The following VDAC1 variants were observed in gnomAD, a reference collection of about 807,000 sequenced individuals.
The protein encoded by VDAC1 is voltage dependent anion channel 1.
VDAC1 carries 10 observed loss-of-function variants against 34.7 expected under a neutral mutation model. The ratio of observed to expected loss-of-function variants is 0.29; its 90% CI spans 0.18 to 0.49. The LOEUF is 0.49. Ranked by LOEUF, VDAC1 falls within the 20% of genes least tolerant of loss-of-function variation. The pLI is 0.99. For missense variants in VDAC1, 230 were observed against 347.9 expected, an observed-to-expected ratio of 0.66 and a Z score of 2.69; for synonymous variants, 130 against 136.0, an observed-to-expected ratio of 0.96 and a Z score of 0.30.
the VDAC1 span, among the ~76,000 whole-genome samples, chr5:134,011,845 G>A: frequency 1.3e-5 from 2 of 151,810 alleles, no homozygotes; most frequent in African/African-American, 2.4e-5. Context: ...TCACCATGTT[G>A]GCCAGGCTGG....
the VDAC1 span, among the ~76,000 whole-genome samples, chr5:134,092,260 T>C: frequency 6.6e-6 from 1 of 152,188 alleles, no homozygotes; most frequent in Non-Finnish European, 1.5e-5. Context: ...AATTCAAACA[T>C]GTCTGAAAAA....
At chr5:134,107,406 T>C in the VDAC1 span, among the ~76,000 whole-genome samples, 5 of 152,072 alleles carry the variant, frequency 3.3e-5, no homozygotes, top group Non-Finnish European at 7.4e-5. Flanking sequence ...CGAGATGAAA[T>C]CTCTCTGTGT....
chr5:134,083,612 T>C, the VDAC1 span, among the ~76,000 whole-genome samples: 226 of 152,358 alleles, frequency 1.5e-3, 6 homozygotes, highest in South Asian at 0.046. Context: ...CTCTGGAATG[T>C]CCAGGCTCCA....
the VDAC1 span, among the ~76,000 whole-genome samples, chr5:134,027,244 G>A: frequency 6.6e-6 from 1 of 152,124 alleles, no homozygotes; most frequent in Admixed American, 6.5e-5. Context: ...CTGGATCAGG[G>A]GCCCCTGGAT....
the VDAC1 span, among the ~76,000 whole-genome samples, chr5:134,069,429 G>A: frequency 6.6e-6 from 1 of 152,116 alleles, no homozygotes; most frequent in Non-Finnish European, 1.5e-5. Context: ...CAGGAGGAAG[G>A]AATGATGATC....
chr5:133,995,139 A>G (rs539787700), intron 1 of VDAC1, among the ~76,000 whole-genome samples: 1 of 152,300 alleles, frequency 6.6e-6, no homozygotes, highest in South Asian at 2.1e-4. Flanking sequence ...CCTGAAGTAC[A>G]AGGCCACTAA....
chr5:134,058,249 T>C, the VDAC1 span, among the ~76,000 whole-genome samples: 2 of 152,074 alleles, frequency 1.3e-5, no homozygotes, highest in Admixed American at 6.5e-5. Flanking sequence ...AAAGGCTGAG[T>C]GAGTGGCCAG....
intron 6 of VDAC1, among the ~76,000 whole-genome samples, chr5:133,980,506 T>C (rs1448778044): frequency 6.6e-6 from 1 of 152,020 alleles, no homozygotes; most frequent in Non-Finnish European, 1.5e-5. Context: ...TATATACTGT[T>C]CACAGAGTGG....
At chr5:133,979,423 GCTTTT>G (rs1752602402) in intron 6 of VDAC1, among the ~76,000 whole-genome samples, 1 of 59,290 alleles carries the variant, frequency 1.7e-5, no homozygotes, top group Non-Finnish European at 3.7e-5. Context: ...TATTTTCTTT[GCTTTT>G]TTTTTTTTTT....
intron 2 of VDAC1, 52 bp downstream of exon 2, chr5:133,992,894 C>T: frequency 6.4e-7 from 1 of 1,567,478 alleles, no homozygotes; most frequent in Non-Finnish European, 8.7e-7. Flanking sequence ...AAGTCTCAAA[C>T]ATGCCAACTC....
intron 7 of VDAC1, among the ~76,000 whole-genome samples, chr5:133,974,765 C>T (rs142660683): frequency 6.6e-6 from 1 of 152,250 alleles, no homozygotes; most frequent in African/African-American, 2.4e-5. Flanking sequence ...CCAGCCTGAC[C>T]AACATGGTGA....
chr5:134,046,129 C>A, the VDAC1 span, among the ~76,000 whole-genome samples: 1 of 151,544 alleles, frequency 6.6e-6, no homozygotes, highest in African/African-American at 2.4e-5. Flanking sequence ...GGGTTCACGC[C>A]ATTCTCCTGC....
chr5:134,085,888 A>G, the VDAC1 span, among the ~76,000 whole-genome samples: 154 of 152,116 alleles, frequency 1.0e-3, no homozygotes, highest in African/African-American at 3.6e-3. Context: ...ATAAGACCCT[A>G]TCTCTGAAAA....
the VDAC1 span, among the ~76,000 whole-genome samples, chr5:134,067,739 T>C: frequency 6.6e-6 from 1 of 151,634 alleles, no homozygotes; most frequent in African/African-American, 2.4e-5. Flanking sequence ...AGACAGAAAT[T>C]ACTCTTGCAG....
At chr5:134,033,953 C>T in the VDAC1 span, among the ~76,000 whole-genome samples, 2 of 151,872 alleles carry the variant, frequency 1.3e-5, no homozygotes, top group African/African-American at 2.4e-5. Flanking sequence ...GATCGCACCA[C>T]CGCACTCCAG....
the VDAC1 span, among the ~76,000 whole-genome samples, chr5:134,073,942 G>A: frequency 6.6e-6 from 1 of 152,162 alleles, no homozygotes; most frequent in Non-Finnish European, 1.5e-5. Context: ...ACAGAGATGG[G>A]AGAACTCTAG....
At chr5:134,045,605 C>T in the VDAC1 span, among the ~76,000 whole-genome samples, 5 of 152,236 alleles carry the variant, frequency 3.3e-5, 1 homozygote, top group South Asian at 8.3e-4. Flanking sequence ...TTCTGCCTCC[C>T]TCTTTGAAGG....
At chr5:134,099,252 T>C in the VDAC1 span, among the ~76,000 whole-genome samples, 2 of 152,228 alleles carry the variant, frequency 1.3e-5, no homozygotes, top group Admixed American at 1.3e-4. Context: ...TGGTTGGGTC[T>C]GGCTTGGGGA....
At chr5:134,106,814 G>C in the VDAC1 span, among the ~76,000 whole-genome samples, 11 of 152,226 alleles carry the variant, frequency 7.2e-5, no homozygotes, top group Non-Finnish European at 1.6e-4. Flanking sequence ...GAGCTACCAA[G>C]TGGCGGGAGC....
Sources: gnomAD v4.1 joint callset for allele counts (sites outside exome capture counted in the v4.1 genomes callset) on GRCh38, gnomAD v4.1.1 for gene constraint, MANE v1.5 for transcripts, NCBI Gene and HGNC (gene_info 2026-07-23, HGNC 2026-07-21) for gene names.